The following DGKB variants were observed in gnomAD, a reference collection of about 807,000 sequenced individuals.
DGKB encodes the protein diacylglycerol kinase beta.
A neutral mutation model predicts 114.3 loss-of-function variants in DGKB; 67 were observed. The observed-to-expected ratio is 0.59, with a 90% CI of 0.48 to 0.72. DGKB has a LOEUF of 0.72. Ranked by LOEUF, DGKB falls within the 30% of genes least tolerant of loss-of-function variation. DGKB has a pLI of 0.00. For missense variants in DGKB, 907 were observed against 975.2 expected (o/e 0.93, Z 0.93); for synonymous variants, 398 against 323.1 (o/e 1.23, Z -2.49).
intron 1 of DGKB, among the ~76,000 whole-genome samples, chr7:14,926,575 T>C (rs1562880997): frequency 1.3e-5 from 2 of 151,550 alleles, no homozygotes; most frequent in Non-Finnish European, 2.9e-5. Flanking sequence ...AGAAGTCCCA[T>C]ATTTCAAGAT....
At chr7:14,246,658 C>A (rs1794522047) in intron 23 of DGKB, among the ~76,000 whole-genome samples, 1 of 152,048 alleles carries the variant, frequency 6.6e-6, no homozygotes, top group East Asian at 1.9e-4. Flanking sequence ...GATTAGTCCC[C>A]TGATTTATTT....
chr7:14,882,203 A>C (rs751718126), intron 1 of DGKB, among the ~76,000 whole-genome samples: 16 of 152,014 alleles, frequency 1.1e-4, no homozygotes, highest in Non-Finnish European at 1.9e-4. Flanking sequence ...AGTCTGAAAG[A>C]GAAATCGAGG....
At chr7:14,188,699 A>G (rs1466667687) in intron 23 of DGKB, among the ~76,000 whole-genome samples, 1 of 150,176 alleles carries the variant, frequency 6.7e-6, no homozygotes, top group East Asian at 1.9e-4. Context: ...CCCCAATTAC[A>G]TTCAATCCAA....
intron 1 of DGKB, among the ~76,000 whole-genome samples, chr7:14,873,304 T>C (rs1289264227): frequency 6.6e-6 from 1 of 152,144 alleles, no homozygotes; most frequent in Non-Finnish European, 1.5e-5. Context: ...CCATTTTTAC[T>C]TGTTCATGTA....
intron 2 of DGKB, among the ~76,000 whole-genome samples, chr7:14,823,017 T>G (rs934890128): frequency 1.3e-5 from 2 of 152,104 alleles, no homozygotes; most frequent in South Asian, 2.1e-4. Flanking sequence ...CCTATTCTAT[T>G]GTAAATAGTA....
chr7:14,857,258 T>TTGTGTGTGTGTGTGTGTGTGTGTGTGTG (rs140695633), intron 1 of DGKB, among the ~76,000 whole-genome samples: 1,675 of 138,302 alleles, frequency 0.012, 57 homozygotes, highest in East Asian at 0.097. Flanking sequence ...CTGTGTGTGT[T>TTGTGTGTGTGTGTGTGTGTGTGTGTGTG]TGTGTGTGTG....
intron 23 of DGKB, among the ~76,000 whole-genome samples, chr7:14,280,378 G>A (rs1277946156): frequency 2.6e-5 from 4 of 152,054 alleles, no homozygotes; most frequent in Non-Finnish European, 4.4e-5. Flanking sequence ...CCAAATCTAC[G>A]TCTGATTGGT....
intron 20 of DGKB, among the ~76,000 whole-genome samples, chr7:14,520,885 G>T (rs1386862501): frequency 3.9e-5 from 6 of 152,030 alleles, no homozygotes. Context: ...TGTCCTCAGA[G>T]ATCTTCATTA....
At chr7:14,241,601 A>G (rs1793653558) in intron 23 of DGKB, among the ~76,000 whole-genome samples, 1 of 152,056 alleles carries the variant, frequency 6.6e-6, no homozygotes, top group African/African-American at 2.4e-5. Context: ...GTTGAATTGG[A>G]AATTTTTTTT....
intron 2 of DGKB, among the ~76,000 whole-genome samples, chr7:14,795,268 AG>A (rs1409890128): frequency 6.6e-6 from 1 of 152,212 alleles, no homozygotes; most frequent in Non-Finnish European, 1.5e-5. Context: ...CATTAAGCAA[AG>A]GTTCTGCATT....
intron 4 of DGKB, among the ~76,000 whole-genome samples, chr7:14,753,262 T>A (rs887444435): frequency 1.3e-5 from 2 of 152,168 alleles, no homozygotes; most frequent in African/African-American, 4.8e-5. Flanking sequence ...CAAGAAATAT[T>A]TCTACAGTGG....
At chr7:14,911,616 T>C (rs764092862) in intron 1 of DGKB, among the ~76,000 whole-genome samples, 2 of 152,204 alleles carry the variant, frequency 1.3e-5, no homozygotes, top group Non-Finnish European at 2.9e-5. Flanking sequence ...CTCTTCTTTT[T>C]CTGTGTTTCC....
intron 23 of DGKB, among the ~76,000 whole-genome samples, chr7:14,210,868 A>G (rs1299773762): frequency 6.6e-6 from 1 of 151,972 alleles, no homozygotes; most frequent in African/African-American, 2.4e-5. Flanking sequence ...TTGACTTTAT[A>G]AAGCAAACCC....
chr7:14,506,991 A>C (rs1240039951), intron 20 of DGKB, among the ~76,000 whole-genome samples: 1 of 152,160 alleles, frequency 6.6e-6, no homozygotes, highest in Non-Finnish European at 1.5e-5. Flanking sequence ...GTGACATACA[A>C]ATTTGTATTC....
intron 23 of DGKB, among the ~76,000 whole-genome samples, chr7:14,224,625 C>T (rs1790497388): frequency 6.6e-6 from 1 of 151,914 alleles, no homozygotes; most frequent in South Asian, 2.1e-4. Context: ...TCTGGGTACT[C>T]ACATTGGGAC....
At position 14,429,186 on chromosome 7, in the gene DGKB, T is replaced by C. The variant is rs10281196; in HGVS notation, c.1835+48975A>G. On this transcript the variant is annotated intron_variant, in intron 21 of 25. Transcript: ENST00000402815. ...TGAATGTTTGAGTCCCCCCAAAATG[T>C]TAAAATCCTAATCTCCCGTGTGATG... Among the ~76,000 whole-genome samples, 847 of 152,228 alleles carry C rather than the reference T, an allele frequency of 5.6e-3. 5 individuals carry two copies. The highest frequency in any genetic ancestry group is 0.019 in the African/African-American group (802 of 41,550).
chr7:14,376,925 T>G (rs1818581756), intron 21 of DGKB, among the ~76,000 whole-genome samples: 1 of 152,178 alleles, frequency 6.6e-6, no homozygotes, highest in Admixed American at 6.5e-5. Context: ...TGAGTTTCAG[T>G]CCCTAAAGCC....
intron 1 of DGKB, among the ~76,000 whole-genome samples, chr7:14,864,769 T>C (rs1215193681): frequency 2.7e-5 from 4 of 148,764 alleles, no homozygotes; most frequent in Admixed American, 1.4e-4. Flanking sequence ...GCAGAGGCTA[T>C]GGACAAAGGG....
At chr7:14,781,179 A>T (rs1257751697) in intron 2 of DGKB, among the ~76,000 whole-genome samples, 1 of 152,204 alleles carries the variant, frequency 6.6e-6, no homozygotes, top group East Asian at 1.9e-4. Flanking sequence ...TGGTTGAGCA[A>T]GGGGCCGACT....
Sources: gnomAD v4.1 joint callset for allele counts (sites outside exome capture counted in the v4.1 genomes callset) on GRCh38, gnomAD v4.1.1 for gene constraint, MANE v1.5 for transcripts, NCBI Gene and HGNC (gene_info 2026-07-23, HGNC 2026-07-21) for gene names.